Variants in DYNC1H1 observed in about 807,000 individuals in gnomAD.
The protein encoded by DYNC1H1 is dynein cytoplasmic 1 heavy chain 1.
A neutral mutation model predicts 527.1 loss-of-function variants in DYNC1H1; 51 were observed. The observed-to-expected ratio is 0.10, with a 90% CI of 0.08 to 0.12. The LOEUF (loss-of-function observed/expected upper bound fraction) is 0.12. Ranked by LOEUF, DYNC1H1 falls within the 10% of genes least tolerant of loss-of-function variation. The pLI is 1.00. For synonymous variants in DYNC1H1, 2,189 were observed against 2,278.8 expected (o/e 0.96, Z 1.12); for missense variants, 2,771 against 5,971.8 (o/e 0.46, Z 17.66).
Position 102,010,640 on chromosome 14 carries a change from C to T in DYNC1H1, c.6406-100C>T, listed in dbSNP as rs909696347. The T allele has an allele frequency of 7.8e-6, 12 of 1,547,050 alleles. No individual in the cohort carries two copies. In the South Asian group the frequency reaches 1.1e-4, roughly 15 times the overall value. On this transcript the variant is annotated intron_variant, in intron 31 of 77. Coordinates refer to ENST00000360184, the MANE Select transcript of DYNC1H1 (RefSeq NM_001376.5). This position sits in a 1 kb window ranked among gnomAD's most constrained non-coding sequence, Gnocchi z 6.0. ...AATGTGGGCGAGTGGTGCTCGCACC[C>T]TTTGTTCACCAACAGTTACTGATCA...
At chr14:102,022,975 T>C (rs1291297538) in intron 43 of DYNC1H1, 95 bp downstream of exon 43, 6 of 1,581,080 alleles carry the variant, frequency 3.8e-6, no homozygotes, top group Admixed American at 1.8e-5. Context: ...CTCAAAAATA[T>C]CTTTAGGCTG....
intron 11 of DYNC1H1, among the ~76,000 whole-genome samples, chr14:101,993,100 C>A (rs139823293): frequency 1.1e-4 from 17 of 152,036 alleles, no homozygotes; most frequent in Non-Finnish European, 1.5e-4. Flanking sequence ...CACTGAGCAC[C>A]TCTTGAGCCC....
In DYNC1H1 at chr14:102,017,498, C is replaced by CA; in HGVS notation, c.8172dup (p.His2725ThrfsTer74). ...ACAGACCCTGGAAGAAAGCCCCTCT[C>CA]ACACAGGTAAAACAGCTCGGTAGAC... On this transcript the variant is annotated frameshift_variant, in exon 40 of 78. Transcript: ENST00000360184. LOFTEE classifies it high-confidence loss of function. This position sits in a 1 kb window ranked among gnomAD's most constrained non-coding sequence, Gnocchi z 4.6. 6.2e-7 allele frequency: 1 copy of CA among 1,614,170 alleles called. No individual in the cohort carries two copies. The highest frequency in any genetic ancestry group is 8.5e-7 in the Non-Finnish European group (1 of 1,180,042).
In DYNC1H1 at chr14:102,017,475, A is replaced by G. The variant is rs763226110; in HGVS notation, c.8148A>G (p.Thr2716=). The change falls in exon 40 of 78, where the codon ACA becomes ACG. Residue 2716 remains threonine (T), a synonymous_variant. Coordinates refer to ENST00000360184, the MANE Select transcript of DYNC1H1 (RefSeq NM_001376.5). The surrounding 1 kb of genome is among the most constrained non-coding windows in gnomAD (Gnocchi z 4.6). ...IQFVGACNPP[T]DPGRKPLSHR... ...TTGTTGGGGCTTGTAATCCCCCCACAGACCCTGGAAGAAAGCCCCTCTCAC... is the reference window on the plus strand; with the variant it reads ...TTGTTGGGGCTTGTAATCCCCCCACGGACCCTGGAAGAAAGCCCCTCTCAC... 17 of 1,614,126 alleles carry G rather than the reference A, an allele frequency of 1.1e-5. No homozygotes were observed. The Admixed American group carries it at 2.8e-4, about 27-fold the overall frequency.
chr14:102,043,976 T>G lies in DYNC1H1; in HGVS notation c.12615T>G (p.Tyr4205Ter). Residue 4205 changes from tyrosine (Y) to a stop codon, truncating the protein, a stop_gained, in exon 70 of 78, where the codon TAT becomes TAG. Coordinates refer to ENST00000360184, the MANE Select transcript of DYNC1H1 (RefSeq NM_001376.5). LOFTEE classifies it high-confidence loss of function. The stretch of plus-strand genomic sequence containing the variant: ...CACCACTGGGGTGGTCAAAGAAGTA[T>G]GAATTTGGAGAGTCTGACCTGCGGT... ...RYAPLGWSKK[Y>*]EFGESDLRSA... is the part of the protein sequence containing the mutation. 1 of 1,614,136 alleles carries G rather than the reference T, an allele frequency of 6.2e-7. No homozygotes were observed. Among genetic ancestry groups the G allele is most frequent in the Non-Finnish European group, 8.5e-7 (1 of 1,180,026 alleles).
At chr14:102,028,190 T>G in intron 48 of DYNC1H1, 49 bp downstream of exon 48, 1 of 1,603,796 alleles carries the variant, frequency 6.2e-7, no homozygotes, top group South Asian at 1.1e-5. Context: ...CTAACCATCA[T>G]GCTAATATAA....
chr14:102,011,037 T>C lies in DYNC1H1; in HGVS notation c.6618+85T>C. ...GTAATGACAACCGTGGGCCCTTCGA[T>C]GAAACTGTCCACAAAGGCTGTGGAG... On this transcript the variant is annotated intron_variant, in intron 32 of 77. Coordinates refer to ENST00000360184, the MANE Select transcript of DYNC1H1 (RefSeq NM_001376.5). The surrounding 1 kb of genome is among the most constrained non-coding windows in gnomAD (Gnocchi z 5.3). 7.0e-7 allele frequency: 1 copy of C among 1,421,042 alleles called. No individual in the cohort carries two copies. Among genetic ancestry groups the C allele is most frequent in the Admixed American group, 1.7e-5 (1 of 59,268 alleles). The allele number at this position is 1,421,042 out of a possible 1,614,324, so 88.0% of individuals were successfully genotyped here.
chr14:101,984,425 GTGTGTGTATA>G lies in DYNC1H1; in HGVS notation c.1461+818_1461+827del, dbSNP rs2047906202. On this transcript the variant is annotated intron_variant, in intron 7 of 77. Coordinates refer to ENST00000360184, the MANE Select transcript of DYNC1H1 (RefSeq NM_001376.5). ...TATGTGTGTGTGTGTGTGTGTGTGT[GTGTGTGTATA>G]TATATATATATTATATTTTTTTTTT... is the stretch of plus-strand genomic sequence containing the variant. Among the ~76,000 whole-genome samples the G allele has an allele frequency of 6.5e-5, 8 of 123,734 alleles. No homozygotes were observed. In the Admixed American group the frequency reaches 6.6e-4, roughly 10 times the overall value. 81.2% of individuals were successfully genotyped at this position (123,734 alleles called of 152,430 possible).
At chr14:101,995,451 A>C in intron 15 of DYNC1H1, 151 bp downstream of exon 15, 1 of 1,014,826 alleles carries the variant, frequency 9.9e-7, no homozygotes, top group Admixed American at 2.0e-5. Flanking sequence ...CTCTACTAAA[A>C]ATACAAAAAA....
rs2047921271 is a variant in DYNC1H1, at chr14:101,985,198, GTC to G, written c.1462-485_1462-484del. On this transcript the variant is annotated intron_variant, in intron 7 of 77. Coordinates refer to ENST00000360184, the MANE Select transcript of DYNC1H1 (RefSeq NM_001376.5). This position sits in a 1 kb window ranked among gnomAD's most constrained non-coding sequence, Gnocchi z 5.9. Reference sequence around the variant, plus strand: ...CTCTGTGACTGGAATGCTTTATTTAGTCTCTTTTTCAGAGAGTCCTTCTCTGT... The same window carrying G: ...CTCTGTGACTGGAATGCTTTATTTAGTCTTTTTCAGAGAGTCCTTCTCTGT... 6.6e-6 allele frequency among the ~76,000 whole-genome samples: 1 copy of G among 152,142 alleles called. No homozygotes were observed. Among genetic ancestry groups the G allele is most frequent in the South Asian group, 2.1e-4 (1 of 4,828 alleles).
intron 42 of DYNC1H1, among the ~76,000 whole-genome samples, chr14:102,022,267 C>T (rs974692339): frequency 6.6e-5 from 10 of 151,600 alleles, no homozygotes; most frequent in African/African-American, 9.7e-5. Flanking sequence ...GAGGCCGAGG[C>T]GGGCGGATCA....
chr14:102,042,337 A>G lies in DYNC1H1; in HGVS notation c.12276-47A>G. On this transcript the variant is annotated intron_variant, in intron 67 of 77. Coordinates refer to ENST00000360184, the MANE Select transcript of DYNC1H1 (RefSeq NM_001376.5). This position sits in a 1 kb window ranked among gnomAD's most constrained non-coding sequence, Gnocchi z 5.7. Reference sequence around the variant, plus strand: ...AGAAAGCCTTAGTCCCCAGGCATTCAGGCAGGCAGCCTGGCATGCTGTGTG... The same window carrying G: ...AGAAAGCCTTAGTCCCCAGGCATTCGGGCAGGCAGCCTGGCATGCTGTGTG... 1 of 1,614,182 alleles carries G rather than the reference A, an allele frequency of 6.2e-7. No individual in the cohort carries two copies. Among genetic ancestry groups the G allele is most frequent in the Non-Finnish European group, 8.5e-7 (1 of 1,180,030 alleles).
rs1341853924 is a variant in DYNC1H1, at chr14:102,029,125, G to C, written c.9469-414G>C. Reference sequence around the variant, plus strand: ...ATGTCGTCCAGCCCTGGCTTCCCCTGGTAGTCTGATCATCTTGCTGTGCTT... The same window carrying C: ...ATGTCGTCCAGCCCTGGCTTCCCCTCGTAGTCTGATCATCTTGCTGTGCTT... On this transcript the variant is annotated intron_variant, in intron 48 of 77. Coordinates refer to ENST00000360184, the MANE Select transcript of DYNC1H1 (RefSeq NM_001376.5). This position sits in a 1 kb window ranked among gnomAD's most constrained non-coding sequence, Gnocchi z 5.3. The C allele has an allele frequency of 3.7e-6, 1 of 270,406 alleles. No individual in the cohort carries two copies. Among genetic ancestry groups the C allele is most frequent in the Non-Finnish European group, 7.2e-6 (1 of 139,030 alleles). 16.8% of individuals were successfully genotyped at this position (270,406 alleles called of 1,614,324 possible).
intron 11 of DYNC1H1, among the ~76,000 whole-genome samples, chr14:101,993,660 C>T (rs868049878): frequency 2.8e-4 from 42 of 152,252 alleles, no homozygotes; most frequent in African/African-American, 9.6e-4. Flanking sequence ...CCTGGTTTCT[C>T]GCAATTCTCC....
chr14:101,983,185 G>A lies in DYNC1H1; in HGVS notation c.1128G>A (p.Arg376=), dbSNP rs2141272353. The A allele has an allele frequency of 6.2e-7, 1 of 1,614,190 alleles. No individual in the cohort carries two copies. Among genetic ancestry groups the A allele is most frequent in the Non-Finnish European group, 8.5e-7 (1 of 1,180,040 alleles). Residue 376 remains arginine, a synonymous_variant, in exon 6 of 78, where the codon AGG becomes AGA. Transcript: ENST00000360184. This position sits in a 1 kb window ranked among gnomAD's most constrained non-coding sequence, Gnocchi z 5.3. Reference sequence around the variant, plus strand: ...GAAACACAAAATATCCTATTCAGAGGGCACTGCGTTTGGTGGAGGCAATTT... The same window carrying A: ...GAAACACAAAATATCCTATTCAGAGAGCACTGCGTTTGGTGGAGGCAATTT... ...KIRNTKYPIQ[R]ALRLVEAISR...
At position 101,965,837 on chromosome 14, in the gene DYNC1H1, A is replaced by G. The variant is rs541014142; in HGVS notation, c.256+890A>G. On this transcript the variant is annotated intron_variant, in intron 1 of 77. Coordinates refer to ENST00000360184, the MANE Select transcript of DYNC1H1 (RefSeq NM_001376.5). This position sits in a 1 kb window ranked among gnomAD's most constrained non-coding sequence, Gnocchi z 4.1. ...AGATTAAAAAAAAAAAAAAAGATTC[A>G]GGTTAGGCACCTAGTAGGGGGAAGA... Among the ~76,000 whole-genome samples, 82 of 151,534 alleles carry G rather than the reference A, an allele frequency of 5.4e-4. No homozygotes were observed. The highest frequency in any genetic ancestry group is 3.5e-3 in the Middle Eastern group (1 of 288).
chr14:101,971,306 T>G (rs2047736388), intron 1 of DYNC1H1, among the ~76,000 whole-genome samples: 1 of 151,798 alleles, frequency 6.6e-6, no homozygotes, highest in African/African-American at 2.4e-5. Context: ...ACTCCTGAGC[T>G]CGAGTGATCC....
intron 1 of DYNC1H1, among the ~76,000 whole-genome samples, chr14:101,966,410 T>TAA (rs71468379): frequency 1.4e-5 from 2 of 146,276 alleles, no homozygotes; most frequent in Non-Finnish European, 1.5e-5. Context: ...CCACAAAAGT[T>TAA]AAAAAAAAAA....
At position 102,050,768 on chromosome 14, in the gene DYNC1H1, T is replaced by C. The variant is rs996203884; in HGVS notation, c.*205T>C. The C allele has an allele frequency of 7.0e-6, 5 of 710,482 alleles. No individual in the cohort carries two copies. The highest frequency in any genetic ancestry group is 1.2e-5 in the Non-Finnish European group (5 of 431,652). 44.0% of individuals were successfully genotyped at this position (710,482 alleles called of 1,614,324 possible). On this transcript the variant is annotated 3_prime_UTR_variant, in exon 78 of 78. Coordinates refer to ENST00000360184, the MANE Select transcript of DYNC1H1 (RefSeq NM_001376.5). The stretch of plus-strand genomic sequence containing the variant: ...GGGAAGGCCAATGGCGTGGCTCCTT[T>C]GAGGAAATAAAACACTAAGCATGAG...
Sources: gnomAD v4.1 joint callset for allele counts (sites outside exome capture counted in the v4.1 genomes callset) on GRCh38, gnomAD v4.1.1 for gene constraint, Gnocchi (gnomAD v3.1) non-coding constraint, MANE v1.5 for transcripts, NCBI Gene and HGNC (gene_info 2026-07-23, HGNC 2026-07-21) for gene names.